Variants in PPP4R3A observed in about 807,000 individuals in gnomAD.
The protein encoded by PPP4R3A is serine/threonine-protein phosphatase 4 regulatory subunit 3A.
Under a neutral mutation model 91.7 loss-of-function variants are expected in PPP4R3A, and 15 were observed. The ratio of observed to expected loss-of-function variants is 0.16; its 90% CI spans 0.11 to 0.25. The LOEUF is 0.25. PPP4R3A is among the 10% of genes least tolerant of loss of function. The pLI, the probability that PPP4R3A is intolerant of heterozygous loss-of-function variation, is 1.00. For synonymous variants in PPP4R3A, 377 were observed against 348.7 expected, an observed-to-expected ratio of 1.08 and a Z score of -0.91; for missense variants, 623 against 998.4, an observed-to-expected ratio of 0.62 and a Z score of 5.07.
At chr14:91,472,526 C>T (rs567565926) in intron 9 of PPP4R3A, among the ~76,000 whole-genome samples, 2 of 142,646 alleles carry the variant, frequency 1.4e-5, no homozygotes, top group Admixed American at 1.5e-4. Flanking sequence ...TGCAGTGGGG[C>T]GACCTCGGCT....
intron 7 of PPP4R3A, chr14:91,475,281 C>T (rs1161491161): frequency 1.9e-5 from 3 of 153,876 alleles, no homozygotes; most frequent in Non-Finnish European, 4.3e-5. Flanking sequence ...GCACCCTTCA[C>T]ATTACCAGGA....
At chr14:91,466,964 C>CA (rs1555434439) in intron 10 of PPP4R3A, among the ~76,000 whole-genome samples, 1 of 150,540 alleles carries the variant, frequency 6.6e-6, no homozygotes, top group South Asian at 2.1e-4. Flanking sequence ...CACACACACA[C>CA]CCCTCTTGTC....
chr14:91,481,563 T>C lies in PPP4R3A; in HGVS notation c.915+13A>G, dbSNP rs1221530326. ...ATCTCTTGAAATATGAAAAAAGGAA[T>C]GATCTAACTCACCTGCAACATGCCA... On this transcript the variant is annotated intron_variant, in intron 4 of 14. Transcript: ENST00000554943. The C allele has an allele frequency of 6.6e-7, 1 of 1,518,450 alleles. No homozygotes were observed. Among genetic ancestry groups the C allele is most frequent in the Admixed American group, 2.4e-5 (1 of 42,378 alleles). 94.1% of individuals were successfully genotyped at this position (1,518,450 alleles called of 1,614,324 possible). A position where few individuals can be genotyped will look rare whatever the true frequency, so the allele number is the denominator to read the frequency against.
chr14:91,494,948 C>T (rs1033143380), intron 1 of PPP4R3A, among the ~76,000 whole-genome samples: 1 of 152,054 alleles, frequency 6.6e-6, no homozygotes, highest in Admixed American at 6.6e-5. Flanking sequence ...CAATAACAAG[C>T]GGTGACAAGG....
chr14:91,497,379 C>CA (rs33956328), intron 1 of PPP4R3A, among the ~76,000 whole-genome samples: 6 of 134,328 alleles, frequency 4.5e-5, no homozygotes, highest in East Asian at 2.1e-4. Context: ...CACACACACA[C>CA]GATACCTTTT....
In PPP4R3A at chr14:91,472,896, GACT is replaced by G. The variant is rs1396100156; in HGVS notation, c.1501+134_1501+136del. 11 of 722,720 alleles carry G rather than the reference GACT, an allele frequency of 1.5e-5. No homozygotes were observed. In the South Asian group the frequency reaches 1.7e-4, roughly 11 times the overall value. The allele number at this position is 722,720 out of a possible 1,614,324, so 44.8% of individuals were successfully genotyped here. A position where few individuals can be genotyped will look rare whatever the true frequency, so the allele number is the denominator to read the frequency against. On this transcript the variant is annotated intron_variant, in intron 9 of 14. Transcript: ENST00000554943. ...TAACCTGATGGTTTGAACTTTTAAA[GACT>G]ACTACTTTTTAAAAGGTGTGTCCTC... is the stretch of plus-strand genomic sequence containing the variant.
At position 91,458,867 on chromosome 14, in the gene PPP4R3A, T is replaced by C. The variant is rs1259728506; in HGVS notation, c.2394A>G (p.Gly798=). ...GATAATCTACCAGACCCACGAGGCC[T>C]CCCTGTTAAGAAATAAGGATTATTT... ...TSQTAAITTK[G]GLVGLVDYPD... Residue 798 remains glycine, a splice_region_variant and synonymous_variant, in exon 15 of 15, where the codon GGA becomes GGG. Coordinates refer to ENST00000554943, the MANE Select transcript of PPP4R3A (RefSeq NM_001366432.2). 6.2e-7 allele frequency: 1 copy of C among 1,607,728 alleles called. No homozygotes were observed. The highest frequency in any genetic ancestry group is 8.5e-7 in the Non-Finnish European group (1 of 1,177,252).
intron 1 of PPP4R3A, 23 bp from the exon 2 acceptor site, chr14:91,490,825 C>T (rs1474973290): frequency 6.3e-7 from 1 of 1,575,078 alleles, no homozygotes; most frequent in East Asian, 2.3e-5. Context: ...AAAAGACATT[C>T]CATTATGTTA....
chr14:91,483,705 T>A (rs1240330738), intron 3 of PPP4R3A, among the ~76,000 whole-genome samples: 2 of 152,120 alleles, frequency 1.3e-5, no homozygotes, highest in Admixed American at 1.3e-4. Context: ...AGAAAATGAT[T>A]GAGAAGTTCA....
chr14:91,477,981 T>C (rs1889312842), intron 4 of PPP4R3A, among the ~76,000 whole-genome samples: 1 of 152,184 alleles, frequency 6.6e-6, no homozygotes, highest in Admixed American at 6.5e-5. Flanking sequence ...CTAGTGGAAG[T>C]AGATTCAATA....
chr14:91,485,570 A>G (rs956790936), intron 3 of PPP4R3A, 62 bp downstream of exon 3: 7 of 1,162,582 alleles, frequency 6.0e-6, no homozygotes, highest in Non-Finnish European at 8.7e-6. Flanking sequence ...CATTAGTTGA[A>G]AGCATGGCAA....
chr14:91,465,513 G>T, intron 10 of PPP4R3A, 94 bp from the exon 11 acceptor site: 1 of 1,073,416 alleles, frequency 9.3e-7, no homozygotes, highest in Non-Finnish European at 1.3e-6. Context: ...AAAAAAAACT[G>T]TTTAACACAT....
chr14:91,469,801 T>C (rs1888732372), intron 10 of PPP4R3A, among the ~76,000 whole-genome samples: 1 of 152,040 alleles, frequency 6.6e-6, no homozygotes, highest in Admixed American at 6.6e-5. Context: ...TGACCTCAGG[T>C]GATCTGCCAG....
In PPP4R3A at chr14:91,509,634, C is replaced by T. The variant is rs765108460; in HGVS notation, c.14G>A (p.Arg5Gln). ...GAGCGTGTACACCTTCACCCGCCGCCGGGTGTCGGTCATCGTGCCGCCCGG... is the reference window on the plus strand; with the variant it reads ...GAGCGTGTACACCTTCACCCGCCGCTGGGTGTCGGTCATCGTGCCGCCCGG... Reference protein sequence around the residue: MTDTRRRVKVYTLNE... With the variant: MTDTQRRVKVYTLNE... The change falls in exon 1 of 15, where the codon CGG becomes CAG. Residue 5 changes from arginine (R) to glutamine (Q), a missense_variant. Arg to Gln is a conservative substitution (Grantham distance 43, BLOSUM62 1). Transcript: ENST00000554943. The T allele has an allele frequency of 6.3e-7, 1 of 1,598,870 alleles. No individual in the cohort carries two copies. The highest frequency in any genetic ancestry group is 2.2e-5 in the East Asian group (1 of 44,716).
chr14:91,491,665 A>G (rs932742924), intron 1 of PPP4R3A, among the ~76,000 whole-genome samples: 4 of 152,122 alleles, frequency 2.6e-5, no homozygotes, highest in Admixed American at 1.3e-4. Flanking sequence ...TTGGCCTCCC[A>G]AAGTGCTGGG....
chr14:91,491,168 A>C (rs1890214767), intron 1 of PPP4R3A, among the ~76,000 whole-genome samples: 1 of 152,110 alleles, frequency 6.6e-6, no homozygotes, highest in Non-Finnish European at 1.5e-5. Flanking sequence ...CGGCCTCCCA[A>C]GGTGCTGGCA....
At chr14:91,483,758 A>G (rs532984415) in intron 3 of PPP4R3A, among the ~76,000 whole-genome samples, 9 of 152,364 alleles carry the variant, frequency 5.9e-5, no homozygotes, top group African/African-American at 1.7e-4. Context: ...GACACCTTGA[A>G]CATAAACTAT....
intron 1 of PPP4R3A, among the ~76,000 whole-genome samples, chr14:91,492,670 A>AT (rs1890298385): frequency 6.6e-6 from 1 of 151,418 alleles, no homozygotes; most frequent in South Asian, 2.1e-4. Flanking sequence ...TCACCATATT[A>AT]TTTTTTCCCA....
chr14:91,499,512 C>T (rs1890802093), intron 1 of PPP4R3A, among the ~76,000 whole-genome samples: 2 of 151,806 alleles, frequency 1.3e-5, no homozygotes, highest in African/African-American at 4.8e-5. Flanking sequence ...AGGAGAAATG[C>T]GACTCAGAAC....
Sources: allele counts gnomAD v4.1 joint callset (sites outside exome capture counted in the v4.1 genomes callset), GRCh38; gene constraint gnomAD v4.1.1; transcripts MANE v1.5; gene names NCBI Gene and HGNC (gene_info 2026-07-23, HGNC 2026-07-21).